Variants in AFF1 observed in about 807,000 individuals in gnomAD.
AFF1 encodes the protein ALF transcription elongation factor 1.
A neutral mutation model predicts 121.7 loss-of-function variants in AFF1; 48 were observed. The ratio of observed to expected loss-of-function variants is 0.39; its 90% CI spans 0.31 to 0.50. The LOEUF (loss-of-function observed/expected upper bound fraction) is 0.50, where lower values mean the gene tolerates loss of function less well. AFF1 is among the 20% of genes least tolerant of loss of function. AFF1 has a pLI of 0.76. For synonymous variants in AFF1, 613 were observed against 563.0 expected, an observed-to-expected ratio of 1.09 and a Z score of -1.26; for missense variants, 1,523 against 1,511.7, an observed-to-expected ratio of 1.01 and a Z score of -0.12.
At chr4:87,014,683 G>A (rs1380100955) in intron 2 of AFF1, among the ~76,000 whole-genome samples, 2 of 152,146 alleles carry the variant, frequency 1.3e-5, no homozygotes, top group East Asian at 3.8e-4. Context: ...TTTTGATTTG[G>A]TGCATATGTT....
At chr4:87,080,211 G>A (rs376960139) in intron 4 of AFF1, among the ~76,000 whole-genome samples, 34 of 152,128 alleles carry the variant, frequency 2.2e-4, no homozygotes, top group Middle Eastern at 3.2e-3. Flanking sequence ...TAGATATCAA[G>A]GGTGGGAAAA....
At chr4:86,953,950 A>T (rs776423489) in intron 2 of AFF1, among the ~76,000 whole-genome samples, 10 of 152,100 alleles carry the variant, frequency 6.6e-5, no homozygotes, top group Non-Finnish European at 1.5e-5. Flanking sequence ...ACCTTAGGTG[A>T]TCTACCTGCC....
At chr4:87,034,515 G>A (rs2149588851) in intron 2 of AFF1, among the ~76,000 whole-genome samples, 1 of 152,290 alleles carries the variant, frequency 6.6e-6, no homozygotes, top group Non-Finnish European at 1.5e-5. Context: ...CATCCTAGAG[G>A]TAGCTTTCTA....
intron 2 of AFF1, among the ~76,000 whole-genome samples, chr4:86,979,641 A>G (rs1035466505): frequency 6.6e-6 from 1 of 152,238 alleles, no homozygotes; most frequent in African/African-American, 2.4e-5. Flanking sequence ...CTCCTTTAAT[A>G]TGAAAAGATA....
At chr4:87,054,202 G>A (rs777495392) in intron 4 of AFF1, among the ~76,000 whole-genome samples, 2 of 152,340 alleles carry the variant, frequency 1.3e-5, no homozygotes, top group Admixed American at 6.5e-5. Context: ...CCTCCCCTAG[G>A]GGGGCTGAGT....
chr4:87,089,408 G>T (rs1308599492), intron 5 of AFF1, among the ~76,000 whole-genome samples: 1 of 152,146 alleles, frequency 6.6e-6, no homozygotes, highest in African/African-American at 2.4e-5. Flanking sequence ...CAATGGAAAA[G>T]AAAGGTAATT....
intron 2 of AFF1, among the ~76,000 whole-genome samples, chr4:87,008,583 T>C (rs1726409023): frequency 6.6e-6 from 1 of 151,804 alleles, no homozygotes; most frequent in African/African-American, 2.4e-5. Flanking sequence ...ACACAAGTTG[T>C]GTCTCTATTT....
At position 87,137,474 on chromosome 4, in the gene AFF1, CTG is replaced by C; in HGVS notation, c.*1775_*1776del. ...CTGTTCCTTCAGTTTCTTCTCCAGA[CTG>C]TTCTTTGGTTGTCACTAAGTCAGAG... On this transcript the variant is annotated 3_prime_UTR_variant, in exon 21 of 21. Coordinates refer to ENST00000395146, the MANE Select transcript of AFF1 (RefSeq NM_001166693.3). 1 of 225,454 alleles carries C rather than the reference CTG, an allele frequency of 4.4e-6. No individual in the cohort carries two copies. Among genetic ancestry groups the C allele is most frequent in the Non-Finnish European group, 8.7e-6 (1 of 115,024 alleles). The allele number at this position is 225,454 out of a possible 1,614,324, so 14.0% of individuals were successfully genotyped here. A position where few individuals can be genotyped will look rare whatever the true frequency, so the allele number is the denominator to read the frequency against.
intron 2 of AFF1, among the ~76,000 whole-genome samples, chr4:87,026,470 C>T (rs1728547863): frequency 6.6e-6 from 1 of 152,136 alleles, no homozygotes; most frequent in African/African-American, 2.4e-5. Flanking sequence ...TGCTGAGCCT[C>T]CTCTCTGCCT....
Position 87,115,313 on chromosome 4 carries a change from G to C in AFF1, c.2466+14G>C, listed in dbSNP as rs1377626657. 1 of 1,559,408 alleles carries C rather than the reference G, an allele frequency of 6.4e-7. No individual in the cohort carries two copies. Among genetic ancestry groups the C allele is most frequent in the East Asian group, 2.4e-5 (1 of 42,182 alleles). On this transcript the variant is annotated intron_variant, in intron 12 of 20. Transcript: ENST00000395146. The stretch of plus-strand genomic sequence containing the variant: ...AAAAAGAGAAAGGTGAGTGTGGGGA[G>C]ACTGCCCTGACTCCAGCGTGGACCA...
At chr4:86,991,456 A>AG (rs1037549374) in intron 2 of AFF1, among the ~76,000 whole-genome samples, 14 of 152,196 alleles carry the variant, frequency 9.2e-5, no homozygotes, top group African/African-American at 3.1e-4. Context: ...AAAAAAAAAA[A>AG]AAAAGAAATA....
rs1352355561 is a variant in AFF1 at position 86,986,009 on chromosome 4, C to A, written c.38+37438C>A. On this transcript the variant is annotated intron_variant, in intron 2 of 20. Transcript: ENST00000395146. The stretch of plus-strand genomic sequence containing the variant: ...TGTCTTAAAGTGACTAATTAAACAC[C>A]TGAATCCTTTTTTTAAAATTTAATT... 3.0e-4 allele frequency among the ~76,000 whole-genome samples: 45 copies of A among 148,866 alleles called. 1 individual carries two copies. The highest frequency in any genetic ancestry group is 3.0e-5 in the Non-Finnish European group (2 of 67,042).
At chr4:87,094,740 G>C (rs868494961) in intron 7 of AFF1, among the ~76,000 whole-genome samples, 175 bp from the exon 8 acceptor site, 1 of 152,144 alleles carries the variant, frequency 6.6e-6, no homozygotes, top group Non-Finnish European at 1.5e-5. Context: ...AGAGGTTTTT[G>C]ATTCTGAACC....
Position 87,047,082 on chromosome 4 carries a change from A to G in AFF1, c.547A>G (p.Lys183Glu). 7.4e-6 allele frequency: 12 copies of G among 1,614,136 alleles called. No individual in the cohort carries two copies. The highest frequency in any genetic ancestry group is 1.3e-5 in the African/African-American group (1 of 75,026). ...GGGGTTCGGCTCTAGTCATCACAAG[A>G]AAGGTGACCGAAGAGCTGACGGAGA... ...QEGFGSSHHK[K>E]GDRRADGDHC... The change falls in exon 4 of 21, where the codon AAA becomes GAA. Residue 183 changes from lysine (K) to glutamate (E), a missense_variant. Lys to Glu is a moderately conservative substitution (Grantham distance 56). Coordinates refer to ENST00000395146, the MANE Select transcript of AFF1 (RefSeq NM_001166693.3).
At chr4:87,133,015 A>C (rs1728974572) in intron 19 of AFF1, among the ~76,000 whole-genome samples, 1 of 152,234 alleles carries the variant, frequency 6.6e-6, no homozygotes, top group African/African-American at 2.4e-5. Flanking sequence ...GGATCTTTAG[A>C]TAAGCCTAAG....
chr4:86,941,429 G>C (rs1279314690), intron 1 of AFF1, among the ~76,000 whole-genome samples: 1 of 152,158 alleles, frequency 6.6e-6, no homozygotes, highest in Non-Finnish European at 1.5e-5. Context: ...AGGCCAAGGC[G>C]GGTGGATCGC....
At chr4:87,009,902 G>C (rs1214580268) in intron 2 of AFF1, among the ~76,000 whole-genome samples, 2 of 152,200 alleles carry the variant, frequency 1.3e-5, no homozygotes, top group African/African-American at 4.8e-5. Flanking sequence ...TAGACCGACA[G>C]ACTCATTGTA....
At chr4:86,945,014 C>T (rs1720751741) in intron 1 of AFF1, among the ~76,000 whole-genome samples, 1 of 152,208 alleles carries the variant, frequency 6.6e-6, no homozygotes, top group East Asian at 1.9e-4. Flanking sequence ...TAGTAATGTA[C>T]ATTCCTGCCA....
chr4:87,094,981 G>A lies in AFF1; in HGVS notation c.1283+12G>A, dbSNP rs1376244164. The A allele has an allele frequency of 6.2e-7, 1 of 1,610,660 alleles. No homozygotes were observed. Reference sequence around the variant, plus strand: ...CAAGGAACGTCATCGTAAGTGAAATGCTTTTTGTGTATTAAAATTTTGTAG... The same window carrying A: ...CAAGGAACGTCATCGTAAGTGAAATACTTTTTGTGTATTAAAATTTTGTAG... On this transcript the variant is annotated intron_variant, in intron 8 of 20. Coordinates refer to ENST00000395146, the MANE Select transcript of AFF1 (RefSeq NM_001166693.3).
Sources: allele counts gnomAD v4.1 joint callset (sites outside exome capture counted in the v4.1 genomes callset), GRCh38; gene constraint gnomAD v4.1.1; transcripts MANE v1.5; gene names NCBI Gene and HGNC (gene_info 2026-07-23, HGNC 2026-07-21).